Variants in SNCAIP observed in about 807,000 individuals in gnomAD.
SNCAIP encodes synphilin-1.
A neutral mutation model predicts 86.7 loss-of-function variants in SNCAIP; 43 were observed. The observed-to-expected ratio is 0.50, with a 90% CI of 0.39 to 0.64. SNCAIP has a LOEUF of 0.64. Ranked by LOEUF, SNCAIP falls within the 30% of genes least tolerant of loss-of-function variation. The pLI, the probability that SNCAIP is intolerant of heterozygous loss-of-function variation, is 0.00. For synonymous variants in SNCAIP, 417 were observed against 427.2 expected (o/e 0.98, Z 0.29); for missense variants, 981 against 1,103.1 (o/e 0.89, Z 1.57).
intron 1 of SNCAIP, among the ~76,000 whole-genome samples, chr5:122,384,318 A>G (rs7725801): frequency 0.13 from 19,445 of 152,210 alleles, 1,335 homozygotes; most frequent in South Asian, 0.24. Flanking sequence ...ATTACAAATT[A>G]TGGTGCATAC....
intron 3 of SNCAIP, among the ~76,000 whole-genome samples, chr5:122,410,413 T>G (rs1360015919): frequency 6.6e-6 from 1 of 152,186 alleles, no homozygotes; most frequent in Admixed American, 6.5e-5. Flanking sequence ...CTTTAACCCC[T>G]TTTAACTTAT....
intron 2 of SNCAIP, among the ~76,000 whole-genome samples, chr5:122,401,414 T>G (rs1426454100): frequency 6.6e-6 from 1 of 152,184 alleles, no homozygotes. Flanking sequence ...ATGTTTATAC[T>G]TACTGAAACA....
chr5:122,427,853 G>C (rs1487571970), intron 5 of SNCAIP, among the ~76,000 whole-genome samples: 1 of 152,158 alleles, frequency 6.6e-6, no homozygotes, highest in Non-Finnish European at 1.5e-5. Context: ...CTGGGAACGG[G>C]CTTTGAAGTC....
chr5:122,381,530 A>G (rs1430742116), intron 1 of SNCAIP, among the ~76,000 whole-genome samples: 1 of 147,434 alleles, frequency 6.8e-6, no homozygotes. Context: ...TGGAGCATTT[A>G]GTCCATTTAC....
At chr5:122,459,170 T>G (rs1332779276) in intron 10 of SNCAIP, among the ~76,000 whole-genome samples, 2 of 152,124 alleles carry the variant, frequency 1.3e-5, no homozygotes, top group Non-Finnish European at 2.9e-5. Context: ...AGATGAGACT[T>G]ATAGATGTGC....
At chr5:122,458,166 C>G (rs1252079340) in intron 10 of SNCAIP, among the ~76,000 whole-genome samples, 2 of 152,184 alleles carry the variant, frequency 1.3e-5, no homozygotes, top group East Asian at 3.8e-4. Flanking sequence ...TCTCTTAAAT[C>G]ACTATTCCAG....
At chr5:122,393,641 C>T (rs982975626) in intron 2 of SNCAIP, among the ~76,000 whole-genome samples, 14 of 152,040 alleles carry the variant, frequency 9.2e-5, no homozygotes, top group Non-Finnish European at 1.6e-4. Flanking sequence ...TGGGTAGAGA[C>T]CAGAGAGGCT....
intron 1 of SNCAIP, among the ~76,000 whole-genome samples, chr5:122,322,134 G>C (rs1208680332): frequency 6.6e-6 from 1 of 152,168 alleles, no homozygotes; most frequent in Non-Finnish European, 1.5e-5. Flanking sequence ...TGAACTTTCT[G>C]TTTCCAGTGG....
Position 122,366,816 on chromosome 5 carries a change from C to T in SNCAIP, c.-46-24273C>T, listed in dbSNP as rs573284114. ...TGGGAAAATTCTGAAAGGTTTTCAA[C>T]AGGGAAGTGGCAAGCCCATATTTGT... On this transcript the variant is annotated intron_variant, in intron 1 of 10. Transcript: ENST00000261368. 3.3e-5 allele frequency among the ~76,000 whole-genome samples: 5 copies of T among 152,022 alleles called. No individual in the cohort carries two copies. In the South Asian group the frequency reaches 1.0e-3, roughly 32 times the overall value.
intron 8 of SNCAIP, among the ~76,000 whole-genome samples, chr5:122,449,122 A>C (rs543044875): frequency 6.6e-6 from 1 of 152,298 alleles, no homozygotes; most frequent in African/African-American, 2.4e-5. Context: ...CATTTAATAC[A>C]CCTAACCTGT....
intron 1 of SNCAIP, among the ~76,000 whole-genome samples, chr5:122,350,144 T>C (rs977758969): frequency 2.6e-5 from 4 of 152,244 alleles, no homozygotes; most frequent in Non-Finnish European, 5.9e-5. Context: ...TTCTTGGTCT[T>C]GTCCCATTTC....
In SNCAIP at chr5:122,422,876, T is replaced by A; in HGVS notation, c.139T>A (p.Ser47Thr). The change falls in exon 4 of 11, where the codon TCT (serine) becomes ACT (threonine). Residue 47 changes from serine to threonine, a missense_variant. Ser to Thr is a moderately conservative substitution (Grantham distance 58, BLOSUM62 1). Transcript: ENST00000261368. Reference protein sequence around the residue: ...TQNEDRSVSSSSWNCGISTLI... With the variant: ...TQNEDRSVSSTSWNCGISTLI... The stretch of plus-strand genomic sequence containing the variant: ...TAATTTTTTAAAAACAGTTTCTAGC[T>A]CTAGCTGGAATTGTGGCATCTCAAC... 1 of 1,613,812 alleles carries A rather than the reference T, an allele frequency of 6.2e-7. No homozygotes were observed. Among genetic ancestry groups the A allele is most frequent in the Non-Finnish European group, 8.5e-7 (1 of 1,179,702 alleles).
Position 122,440,679 on chromosome 5 carries a change from G to A in SNCAIP, c.1347G>A (p.Ser449=), listed in dbSNP as rs529418957. The change falls in exon 7 of 11, where the codon TCG becomes TCA. Residue 449 remains serine, a synonymous_variant. Transcript: ENST00000261368. ...AGTTTATGCAAGAACAGGGCATCTCGTTGGATGAAGTAGACCAGGATGGCA... is the reference window on the plus strand; with the variant it reads ...AGTTTATGCAAGAACAGGGCATCTCATTGGATGAAGTAGACCAGGATGGCA... ...LLQFMQEQGI[S]LDEVDQDGNS... is the part of the protein sequence containing the mutation. 6.6e-5 allele frequency: 107 copies of A among 1,613,868 alleles called. No homozygotes were observed. The South Asian group carries it at 1.0e-3, about 15-fold the overall frequency.
rs1427264411 is a variant in SNCAIP, at chr5:122,463,730, G to T, written c.*234G>T. ...AAATTTATAGTAGTAGACTGTAAAA[G>T]ATTCATTTTGGGGTGATATCTGTAT... is the stretch of plus-strand genomic sequence containing the variant. On this transcript the variant is annotated 3_prime_UTR_variant, in exon 11 of 11. Transcript: ENST00000261368. 2 of 511,998 alleles carry T rather than the reference G, an allele frequency of 3.9e-6. No individual in the cohort carries two copies. Among genetic ancestry groups the T allele is most frequent in the Non-Finnish European group, 6.9e-6 (2 of 289,880 alleles). The allele number at this position is 511,998 out of a possible 1,614,324, so 31.7% of individuals were successfully genotyped here. A position where few individuals can be genotyped will look rare whatever the true frequency, so the allele number is the denominator to read the frequency against.
rs776264311 is a variant in SNCAIP at position 122,450,833 on chromosome 5, G to C, written c.1986G>C (p.Leu662=). The C allele has an allele frequency of 6.2e-7, 1 of 1,614,148 alleles. No homozygotes were observed. The highest frequency in any genetic ancestry group is 1.1e-5 in the South Asian group (1 of 91,082). ...SKKIPLEKRE[L]KLARLRQLMQ... The stretch of plus-strand genomic sequence containing the variant: ...AGATCCCACTGGAGAAGAGGGAACT[G>C]AAGTTAGCCAGGCTGAGACAGCTGA... Residue 662 remains leucine, a synonymous_variant, in exon 10 of 11, where the codon CTG becomes CTC. Coordinates refer to ENST00000261368, the MANE Select transcript of SNCAIP (RefSeq NM_005460.4).
At chr5:122,362,469 C>A (rs747021364) in intron 1 of SNCAIP, among the ~76,000 whole-genome samples, 1 of 152,204 alleles carries the variant, frequency 6.6e-6, no homozygotes, top group Non-Finnish European at 1.5e-5. Flanking sequence ...TGGAGAACCA[C>A]ATTTTTCCTC....
chr5:122,335,798 C>T (rs987662985), intron 1 of SNCAIP, among the ~76,000 whole-genome samples: 2 of 152,150 alleles, frequency 1.3e-5, no homozygotes, highest in Admixed American at 6.5e-5. Context: ...CCATGCCATC[C>T]AGTTATTGAA....
chr5:122,413,951 C>T (rs556713106), intron 3 of SNCAIP, among the ~76,000 whole-genome samples: 6 of 152,164 alleles, frequency 3.9e-5, no homozygotes, highest in South Asian at 2.1e-4. Flanking sequence ...ACTCTTTCGC[C>T]GCAGCTGAAG....
chr5:122,449,946 A>G lies in SNCAIP; in HGVS notation c.1685+9A>G. The G allele has an allele frequency of 5.1e-6, 8 of 1,575,052 alleles. No homozygotes were observed. Among genetic ancestry groups the G allele is most frequent in the Non-Finnish European group, 7.0e-6 (8 of 1,144,442 alleles). Reference sequence around the variant, plus strand: ...CTCCCTTCTTCACCCAGGTAATACCAGCACATTGTTGTTTAGCATTCTTAA... The same window carrying G: ...CTCCCTTCTTCACCCAGGTAATACCGGCACATTGTTGTTTAGCATTCTTAA... On this transcript the variant is annotated intron_variant, in intron 9 of 10. Transcript: ENST00000261368.
Sources: gnomAD v4.1 joint callset for allele counts (sites outside exome capture counted in the v4.1 genomes callset) on GRCh38, gnomAD v4.1.1 for gene constraint, MANE v1.5 for transcripts, NCBI Gene and HGNC (gene_info 2026-07-23, HGNC 2026-07-21) for gene names.